The following DSTYK variants were observed in gnomAD, a reference collection of about 807,000 sequenced individuals.
DSTYK encodes the protein RIP-homologous kinase.
Under a neutral mutation model 98.7 loss-of-function variants are expected in DSTYK, and 34 were observed. The observed-to-expected ratio is 0.34, with a 90% confidence interval of 0.26 to 0.46. The LOEUF (loss-of-function observed/expected upper bound fraction) is 0.46, where lower values mean the gene tolerates loss of function less well. Among genes scored for constraint, DSTYK ranks in the 20% least tolerant of loss-of-function variants. The pLI, the probability that DSTYK is intolerant of heterozygous loss-of-function variation, is 1.00. For missense variants in DSTYK, 962 were observed against 1,181.7 expected, an observed-to-expected ratio of 0.81 and a Z score of 2.73; for synonymous variants, 462 against 457.3, an observed-to-expected ratio of 1.01 and a Z score of -0.13.
intron 10 of DSTYK, among the ~76,000 whole-genome samples, chr1:205,155,274 A>AAAT (rs1657524282): frequency 6.6e-6 from 1 of 151,692 alleles, no homozygotes; most frequent in African/African-American, 2.4e-5. Context: ...GTGAGCCACC[A>AAAT]TACCCACCCC....
intron 2 of DSTYK, among the ~76,000 whole-genome samples, chr1:205,178,321 A>G (rs1374545352): frequency 1.3e-5 from 2 of 152,092 alleles, no homozygotes; most frequent in Non-Finnish European, 2.9e-5. Context: ...TGATAAGAAT[A>G]TATTGAATGG....
intron 1 of DSTYK, among the ~76,000 whole-genome samples, chr1:205,198,420 T>C (rs570904442): frequency 2.6e-5 from 4 of 152,298 alleles, no homozygotes; most frequent in East Asian, 1.9e-4. Context: ...AGTTGTTCAA[T>C]CAGGAGAAAG....
intron 1 of DSTYK, among the ~76,000 whole-genome samples, chr1:205,210,221 GTTAAA>G (rs1206538692): frequency 2.6e-5 from 4 of 151,978 alleles, no homozygotes; most frequent in Non-Finnish European, 5.9e-5. Context: ...GTCTTTTCAT[GTTAAA>G]TTAGATTCTT....
chr1:205,150,777 AC>A lies in DSTYK; in HGVS notation c.2369del (p.Arg790LeufsTer7). 1 of 1,614,088 alleles carries A rather than the reference AC, an allele frequency of 6.2e-7. No individual in the cohort carries two copies. The highest frequency in any genetic ancestry group is 8.5e-7 in the Non-Finnish European group (1 of 1,180,000). On this transcript the variant is annotated frameshift_variant, in exon 11 of 13. Coordinates refer to ENST00000367162, the MANE Select transcript of DSTYK (RefSeq NM_015375.3). LOFTEE classifies it high-confidence loss of function. The surrounding 1 kb of genome is among the most constrained non-coding windows in gnomAD (Gnocchi z 4.1). ...LKNVLLDKQN[R>X]AKITDLGFCK... is the part of the protein sequence containing the mutation. Reference sequence around the variant, plus strand: ...AGAATCCTAAGTCAGTGATCTTGGCACGGTTCTGCTTATCCAGCTGCCAACA... The same window carrying A: ...AGAATCCTAAGTCAGTGATCTTGGCAGGTTCTGCTTATCCAGCTGCCAACA...
intron 3 of DSTYK, among the ~76,000 whole-genome samples, chr1:205,167,916 A>T (rs1186248972): frequency 5.9e-5 from 9 of 152,212 alleles, no homozygotes; most frequent in Non-Finnish European, 1.2e-4. Context: ...ATCCTGGCCA[A>T]CATGATGAAA....
intron 1 of DSTYK, among the ~76,000 whole-genome samples, chr1:205,204,391 T>G (rs6682400): frequency 0.48 from 73,202 of 151,608 alleles, 20,955 homozygotes; most frequent in Non-Finnish European, 0.63. Context: ...CCACATTCCA[T>G]CTTTCTGTTC....
At chr1:205,197,908 C>T (rs1180478962) in intron 1 of DSTYK, among the ~76,000 whole-genome samples, 6 of 152,134 alleles carry the variant, frequency 3.9e-5, no homozygotes, top group Non-Finnish European at 5.9e-5. Flanking sequence ...TAAGAAACCA[C>T]GAAGGCCGGG....
At chr1:205,175,189 C>T (rs781613521) in intron 2 of DSTYK, among the ~76,000 whole-genome samples, 4 of 151,974 alleles carry the variant, frequency 2.6e-5, no homozygotes, top group Non-Finnish European at 5.9e-5. Context: ...CAAGCTCCGC[C>T]TCCCAGGTTC....
At chr1:205,202,346 T>C in intron 1 of DSTYK, 2 of 715,014 alleles carry the variant, frequency 2.8e-6, no homozygotes, top group Non-Finnish European at 5.3e-6. Context: ...AAGCTACCAC[T>C]TTACAGAAAC....
intron 3 of DSTYK, among the ~76,000 whole-genome samples, chr1:205,166,920 CTGCAAGGAATATGA>C (rs1349003618): frequency 6.6e-6 from 1 of 152,168 alleles, no homozygotes; most frequent in African/African-American, 2.4e-5. Context: ...GTGTTATTTG[CTGCAAGGAATATGA>C]TGATGAATAA....
intron 1 of DSTYK, among the ~76,000 whole-genome samples, chr1:205,208,304 A>C (rs1659267412): frequency 6.6e-6 from 1 of 152,234 alleles, no homozygotes; most frequent in Admixed American, 6.5e-5. Flanking sequence ...TTGTGGGTGA[A>C]AGTGAGACAA....
Position 205,145,746 on chromosome 1 carries a change from G to A in DSTYK, c.*1812C>T, listed in dbSNP as rs1218136213. The A allele has an allele frequency of 6.6e-6, 1 of 151,916 alleles. No homozygotes were observed. Among genetic ancestry groups the A allele is most frequent in the Non-Finnish European group, 1.5e-5 (1 of 68,018 alleles). The allele number at this position is 151,916 out of a possible 1,614,324, so 9.4% of individuals were successfully genotyped here. A position where few individuals can be genotyped will look rare whatever the true frequency, so the allele number is the denominator to read the frequency against. ...CTGGGGACCTGTTTTACAAACTCTC[G>A]GGCTGAACACAGGGGCCAGACCACA... On this transcript the variant is annotated 3_prime_UTR_variant, in exon 13 of 13. Coordinates refer to ENST00000367162, the MANE Select transcript of DSTYK (RefSeq NM_015375.3).
chr1:205,210,038 T>A (rs1659325960), intron 1 of DSTYK, among the ~76,000 whole-genome samples: 1 of 151,954 alleles, frequency 6.6e-6, no homozygotes, highest in Non-Finnish European at 1.5e-5. Flanking sequence ...GTGGCTGAGA[T>A]TACAGGCCTC....
At chr1:205,201,494 G>A (rs923381619) in intron 1 of DSTYK, among the ~76,000 whole-genome samples, 8 of 142,310 alleles carry the variant, frequency 5.6e-5, no homozygotes, top group Non-Finnish European at 1.2e-4. Flanking sequence ...GGCCCAGAGA[G>A]TAAAATGTGT....
intron 2 of DSTYK, among the ~76,000 whole-genome samples, chr1:205,176,105 T>C (rs1266288463): frequency 6.6e-6 from 1 of 152,226 alleles, no homozygotes; most frequent in Non-Finnish European, 1.5e-5. Flanking sequence ...GAGATTTCTC[T>C]TGTAGAACGC....
intron 2 of DSTYK, among the ~76,000 whole-genome samples, chr1:205,186,523 A>G (rs552317615): frequency 6.6e-6 from 1 of 152,312 alleles, no homozygotes; most frequent in South Asian, 2.1e-4. Context: ...AAAGAAGGAA[A>G]GAAGAAACCA....
At chr1:205,187,885 C>T (rs1250975354) in intron 1 of DSTYK, 79 bp from the exon 2 acceptor site, 73 of 1,326,800 alleles carry the variant, frequency 5.5e-5, no homozygotes, top group South Asian at 1.4e-4. Flanking sequence ...GAGAGACTCA[C>T]GCAGAAATCC....
rs1013521415 is a variant in DSTYK at position 205,150,296 on chromosome 1, G to A, written c.2467+384C>T. ...CACTTAATTTAGCACTTAATCATAC[G>A]TTGTGTTGTACTGCTTCCTATTTTA... On this transcript the variant is annotated intron_variant, in intron 11 of 12. Transcript: ENST00000367162. This position sits in a 1 kb window ranked among gnomAD's most constrained non-coding sequence, Gnocchi z 4.1. Among the ~76,000 whole-genome samples, 5 of 151,958 alleles carry A rather than the reference G, an allele frequency of 3.3e-5. No homozygotes were observed. The highest frequency in any genetic ancestry group is 1.2e-4 in the African/African-American group (5 of 41,358).
At chr1:205,197,283 A>C (rs1239424531) in intron 1 of DSTYK, among the ~76,000 whole-genome samples, 1 of 152,056 alleles carries the variant, frequency 6.6e-6, no homozygotes, top group Non-Finnish European at 1.5e-5. Flanking sequence ...GTTTGGGAGG[A>C]ATGCATACTG....
Sources: allele counts gnomAD v4.1 joint callset (sites outside exome capture counted in the v4.1 genomes callset), GRCh38; gene constraint gnomAD v4.1.1; non-coding constraint Gnocchi (gnomAD v3.1); transcripts MANE v1.5; gene names NCBI Gene and HGNC (gene_info 2026-07-23, HGNC 2026-07-21).